The following FGFBP3 variants were observed in gnomAD, a reference collection of about 807,000 sequenced individuals.
FGFBP3 encodes the protein fibroblast growth factor binding protein 3.
A neutral mutation model predicts 4.8 loss-of-function variants in FGFBP3; 4 were observed. That is an observed-to-expected ratio of 0.83 (90% confidence interval 0.41 to 1.90). The LOEUF is 1.90. FGFBP3 is among the 40% of genes most tolerant of loss of function. FGFBP3 has a pLI of 0.03. For missense variants in FGFBP3, 429 were observed against 397.4 expected (o/e 1.08, Z -0.68); for synonymous variants, 215 against 190.0 (o/e 1.13, Z -1.08).
chr10:91,908,496 G>A lies in FGFBP3; in HGVS notation c.474C>T (p.Thr158=). 7.2e-7 allele frequency: 1 copy of A among 1,387,558 alleles called. No homozygotes were observed. The highest frequency in any genetic ancestry group is 9.3e-7 in the Non-Finnish European group (1 of 1,076,820). 86.0% of individuals were successfully genotyped at this position (1,387,558 alleles called of 1,614,324 possible). A position where few individuals can be genotyped will look rare whatever the true frequency, so the allele number is the denominator to read the frequency against. ...VPRASPPARP[T]VAGFAGESKP... The stretch of plus-strand genomic sequence containing the variant: ...TGGACTCCCCCGCGAATCCCGCGAC[G>A]GTGGGGCGTGCGGGCGGGGACGCGC... The change falls in exon 2 of 2, where the codon ACC becomes ACT. Residue 158 remains threonine, a synonymous_variant. Coordinates refer to ENST00000311575, the MANE Select transcript of FGFBP3 (RefSeq NM_152429.5).
At position 91,908,533 on chromosome 10, in the gene FGFBP3, C is replaced by A; in HGVS notation, c.437G>T (p.Arg146Leu). Residue 146 changes from arginine to leucine, a missense_variant, in exon 2 of 2, where the codon CGG (arginine) becomes CTG (leucine). Arg to Leu is a moderately radical substitution (Grantham distance 102, BLOSUM62 -2). Coordinates refer to ENST00000311575, the MANE Select transcript of FGFBP3 (RefSeq NM_152429.5). ...GGGCGGGGACGCGCGGGGCACTAGC[C>A]GCAGCTCGGCGCCGTGGCCCTTCTT... ...AGKKGHGAEL[R>L]LVPRASPPAR... 2.9e-6 allele frequency: 4 copies of A among 1,374,968 alleles called. No individual in the cohort carries two copies. Among genetic ancestry groups the A allele is most frequent in the Non-Finnish European group, 3.7e-6 (4 of 1,071,720 alleles). The allele number at this position is 1,374,968 out of a possible 1,614,324, so 85.2% of individuals were successfully genotyped here.
chr10:91,908,584 G>A lies in FGFBP3; in HGVS notation c.386C>T (p.Pro129Leu), dbSNP rs1843319371. 7.1e-7 allele frequency: 1 copy of A among 1,415,528 alleles called. No individual in the cohort carries two copies. Among genetic ancestry groups the A allele is most frequent in the South Asian group, 1.5e-5 (1 of 67,322 alleles). The allele number at this position is 1,415,528 out of a possible 1,614,324, so 87.7% of individuals were successfully genotyped here. ...GCCCGCGCACAAGCGGGCCTGGAGC[G>A]GCGCGGGGTCGTGACAGGGCCTCCG... Reference protein sequence around the residue: ...KKRRPCHDPAPLQARLCAGKK... With the variant: ...KKRRPCHDPALLQARLCAGKK... Residue 129 changes from proline to leucine, a missense_variant, in exon 2 of 2, where the codon CCG (proline) becomes CTG (leucine). By Grantham distance (98) the Pro-to-Leu change is moderately conservative. Transcript: ENST00000311575.
rs200280119 is a variant in FGFBP3, at chr10:91,908,935, G to A, written c.35C>T (p.Pro12Leu). The change falls in exon 2 of 2, where the codon CCG (proline) becomes CTG (leucine). Residue 12 changes from proline to leucine, a missense_variant. Pro to Leu is a moderately conservative substitution (Grantham distance 98, BLOSUM62 -3). Coordinates refer to ENST00000311575, the MANE Select transcript of FGFBP3 (RefSeq NM_152429.5). The stretch of plus-strand genomic sequence containing the variant: ...ACCACTCAGCAGCAGCAGCAGCGAC[G>A]GCGACAGCGACGCTCGCAGCTTCGG... Reference protein sequence around the residue: ...TPPKLRASLSPSLLLLLSGCL... With the variant: ...TPPKLRASLSLSLLLLLSGCL... The A allele has an allele frequency of 3.4e-5, 55 of 1,605,092 alleles. No individual in the cohort carries two copies. The African/African-American group carries it at 5.4e-4, about 16-fold the overall frequency.
Position 91,908,632 on chromosome 10 carries a change from AC to A in FGFBP3, c.337del (p.Val113CysfsTer35). 3 of 1,438,966 alleles carry A rather than the reference AC, an allele frequency of 2.1e-6. No homozygotes were observed. The allele number at this position is 1,438,966 out of a possible 1,614,324, so 89.1% of individuals were successfully genotyped here. A position where few individuals can be genotyped will look rare whatever the true frequency, so the allele number is the denominator to read the frequency against. The part of the protein sequence containing the change: ...AARRAHFWKQ[V>X]LGGLRKKRRP... ...CCGCTTCTTGCGCAGCCCTCCCAGC[AC>A]CTGCTTCCAGAAGTGCGCGCGGCGA... On this transcript the variant is annotated frameshift_variant, in exon 2 of 2. Transcript: ENST00000311575. LOFTEE classifies it low-confidence loss of function (END_TRUNC).
intron 1 of FGFBP3, 70 bp from the exon 2 acceptor site, chr10:91,909,117 C>A: frequency 2.4e-6 from 2 of 832,802 alleles, no homozygotes; most frequent in South Asian, 4.0e-5. Context: ...CATGCACCTG[C>A]GAACTACTCT....
chr10:91,909,321 A>G, intron 1 of FGFBP3, 77 bp downstream of exon 1: 1 of 297,514 alleles, frequency 3.4e-6, no homozygotes, highest in Non-Finnish European at 6.2e-6. Context: ...TCCCTTCTCC[A>G]ACCTGCAATA....
Position 91,908,588 on chromosome 10 carries a change from C to T in FGFBP3, c.382G>A (p.Ala128Thr). The change falls in exon 2 of 2, where the codon GCG (alanine) becomes ACG (threonine). Residue 128 changes from alanine (A) to threonine (T), a missense_variant. Ala to Thr is a moderately conservative substitution (Grantham distance 58, BLOSUM62 0). Coordinates refer to ENST00000311575, the MANE Select transcript of FGFBP3 (RefSeq NM_152429.5). ...GCGCACAAGCGGGCCTGGAGCGGCG[C>T]GGGGTCGTGACAGGGCCTCCGCTTC... ...RKKRRPCHDP[A>T]PLQARLCAGK... 1 of 1,419,870 alleles carries T rather than the reference C, an allele frequency of 7.0e-7. No homozygotes were observed. The allele number at this position is 1,419,870 out of a possible 1,614,324, so 88.0% of individuals were successfully genotyped here.
chr10:91,908,476 TC>T lies in FGFBP3; in HGVS notation c.493del (p.Glu165SerfsTer104), dbSNP rs1299929001. 7 of 1,409,288 alleles carry T rather than the reference TC, an allele frequency of 5.0e-6. No individual in the cohort carries two copies. The highest frequency in any genetic ancestry group is 5.5e-6 in the Non-Finnish European group (6 of 1,086,706). 87.3% of individuals were successfully genotyped at this position (1,409,288 alleles called of 1,614,324 possible). On this transcript the variant is annotated frameshift_variant, in exon 2 of 2. Transcript: ENST00000311575. LOFTEE classifies it low-confidence loss of function (END_TRUNC). ...CCGGTTCCGGGCCCGGGGCTTGGAC[TC>T]CCCCGCGAATCCCGCGACGGTGGGG... is the stretch of plus-strand genomic sequence containing the variant. Reference protein sequence around the residue: ...ARPTVAGFAGESKPRARNRGR... With the variant: ...ARPTVAGFAGXSKPRARNRGR...
In FGFBP3 at chr10:91,908,716, C is replaced by G. The variant is rs1843322445; in HGVS notation, c.254G>C (p.Gly85Ala). The G allele has an allele frequency of 1.5e-6, 2 of 1,378,930 alleles. No homozygotes were observed. The highest frequency in any genetic ancestry group is 1.9e-6 in the Non-Finnish European group (2 of 1,074,774). The allele number at this position is 1,378,930 out of a possible 1,614,324, so 85.4% of individuals were successfully genotyped here. Residue 85 changes from glycine (G) to alanine (A), a missense_variant, in exon 2 of 2, where the codon GGG becomes GCG. Transcript: ENST00000311575. ...ELALRCQSPD[G>A]ARHQCAYRGH... is the part of the protein sequence containing the mutation. ...GCGGTAGGCGCACTGGTGGCGCGCC[C>G]CGTCCGGGCTCTGGCAGCGCAGCGC...
rs1466447316 is a variant in FGFBP3 at position 91,909,421 on chromosome 10, G to A, written c.-102C>T. 6.0e-6 allele frequency: 1 copy of A among 165,688 alleles called. No individual in the cohort carries two copies. The highest frequency in any genetic ancestry group is 6.5e-5 in the Admixed American group (1 of 15,366). 10.3% of individuals were successfully genotyped at this position (165,688 alleles called of 1,614,324 possible). On this transcript the variant is annotated 5_prime_UTR_variant, in exon 1 of 2. Transcript: ENST00000311575. The stretch of plus-strand genomic sequence containing the variant: ...ACCGAGTTCTGGGAGAGGCGCCAAA[G>A]CCTTATTAGGGTAGAGGGAACGACT...
rs543541902 is a variant in FGFBP3 at position 91,908,343 on chromosome 10, C to T, written c.627G>A (p.Arg209=). 2.5e-6 allele frequency: 4 copies of T among 1,595,510 alleles called. No individual in the cohort carries two copies. In the Admixed American group the frequency reaches 7.0e-5, roughly 28 times the overall value. Residue 209 remains arginine (R), a synonymous_variant, in exon 2 of 2, where the codon AGG becomes AGA. Coordinates refer to ENST00000311575, the MANE Select transcript of FGFBP3 (RefSeq NM_152429.5). The stretch of plus-strand genomic sequence containing the variant: ...CCTCGTTGGGGACCAAGGCCGCCTT[C>T]CTCTTGCCCTCGTTGGTCTTCCTCT... ...PSERKTNEGK[R]KAALVPNEER...
Position 91,908,521 on chromosome 10 carries a change from C to A in FGFBP3, c.449G>T (p.Arg150Leu), listed in dbSNP as rs751273902. 2.9e-6 allele frequency: 4 copies of A among 1,376,544 alleles called. No homozygotes were observed. Among genetic ancestry groups the A allele is most frequent in the Non-Finnish European group, 3.7e-6 (4 of 1,072,722 alleles). 85.3% of individuals were successfully genotyped at this position (1,376,544 alleles called of 1,614,324 possible). Reference sequence around the variant, plus strand: ...GGTGGGGCGTGCGGGCGGGGACGCGCGGGGCACTAGCCGCAGCTCGGCGCC... The same window carrying A: ...GGTGGGGCGTGCGGGCGGGGACGCGAGGGGCACTAGCCGCAGCTCGGCGCC... ...GHGAELRLVP[R>L]ASPPARPTVA... The change falls in exon 2 of 2, where the codon CGC (arginine) becomes CTC (leucine). Residue 150 changes from arginine (R) to leucine (L), a missense_variant. Arg to Leu is a moderately radical substitution (Grantham distance 102). Transcript: ENST00000311575.
Position 91,908,059 on chromosome 10 carries a change from C to T in FGFBP3, c.*134G>A, listed in dbSNP as rs1843312629. Reference sequence around the variant, plus strand: ...TCTCATCCCAAGCATCTCACCCTTACCCTTGCCCCCACCCCCATTCGAGAA... The same window carrying T: ...TCTCATCCCAAGCATCTCACCCTTATCCTTGCCCCCACCCCCATTCGAGAA... On this transcript the variant is annotated 3_prime_UTR_variant, in exon 2 of 2. Coordinates refer to ENST00000311575, the MANE Select transcript of FGFBP3 (RefSeq NM_152429.5). 3 of 1,007,002 alleles carry T rather than the reference C, an allele frequency of 3.0e-6. No homozygotes were observed. The highest frequency in any genetic ancestry group is 1.7e-5 in the African/African-American group (1 of 58,940). 62.4% of individuals were successfully genotyped at this position (1,007,002 alleles called of 1,614,324 possible).
At position 91,908,794 on chromosome 10, in the gene FGFBP3, C is replaced by T; in HGVS notation, c.176G>A (p.Cys59Tyr). ...GRFLSPEQHA[C>Y]SWQLLLPAPE... ...GGCGGGCAGCAGGAGCTGCCAGCTG[C>T]ACGCGTGCTGCTCGGGGCTGAGGAA... Residue 59 changes from cysteine to tyrosine, a missense_variant, in exon 2 of 2, where the codon TGC (cysteine) becomes TAC (tyrosine). By Grantham distance (194) the Cys-to-Tyr change is radical. Transcript: ENST00000311575. 1.4e-6 allele frequency: 2 copies of T among 1,443,646 alleles called. No homozygotes were observed. Among genetic ancestry groups the T allele is most frequent in the Non-Finnish European group, 1.8e-6 (2 of 1,108,752 alleles). The allele number at this position is 1,443,646 out of a possible 1,614,324, so 89.4% of individuals were successfully genotyped here.
Position 91,907,227 on chromosome 10 carries a change from C to T in FGFBP3, c.*966G>A, listed in dbSNP as rs564921437. 2 of 152,330 alleles carry T rather than the reference C, an allele frequency of 1.3e-5. No homozygotes were observed. The highest frequency in any genetic ancestry group is 4.8e-5 in the African/African-American group (2 of 41,550). The allele number at this position is 152,330 out of a possible 1,614,324, so 9.4% of individuals were successfully genotyped here. A position where few individuals can be genotyped will look rare whatever the true frequency, so the allele number is the denominator to read the frequency against. On this transcript the variant is annotated 3_prime_UTR_variant, in exon 2 of 2. Coordinates refer to ENST00000311575, the MANE Select transcript of FGFBP3 (RefSeq NM_152429.5). ...ACTTCTAGTGGCACACCCCTGTAGT[C>T]CTGGCTACTCCGGAGGCTGAGGCAG... is the stretch of plus-strand genomic sequence containing the variant.
At position 91,908,199 on chromosome 10, in the gene FGFBP3, G is replaced by A; in HGVS notation, c.771C>T (p.Asn257=). 2.5e-6 allele frequency: 4 copies of A among 1,595,116 alleles called. No individual in the cohort carries two copies. Among genetic ancestry groups the A allele is most frequent in the African/African-American group, 2.7e-5 (2 of 73,550 alleles). The change falls in exon 2 of 2, where the codon AAC becomes AAT. Residue 257 remains asparagine (N), a synonymous_variant. Coordinates refer to ENST00000311575, the MANE Select transcript of FGFBP3 (RefSeq NM_152429.5). ...SLCNFFVNFW[N]G ...CCTAAGCCGGCAGGCAGTCTCAGCCGTTCCAGAAATTGACAAAGAAGTTGC... is the reference window on the plus strand; with the variant it reads ...CCTAAGCCGGCAGGCAGTCTCAGCCATTCCAGAAATTGACAAAGAAGTTGC...
Position 91,909,034 on chromosome 10 carries a change from G to C in FGFBP3, c.-65C>G, listed in dbSNP as rs1182766008. On this transcript the variant is annotated 5_prime_UTR_variant, in exon 2 of 2. Coordinates refer to ENST00000311575, the MANE Select transcript of FGFBP3 (RefSeq NM_152429.5). The stretch of plus-strand genomic sequence containing the variant: ...TTGTCGGGGCTGGACCAGGCAAAGA[G>C]CATTCCCCAGGACCTGCGGACAGAG... 3.3e-6 allele frequency: 5 copies of C among 1,497,690 alleles called. No homozygotes were observed. Among genetic ancestry groups the C allele is most frequent in the Middle Eastern group, 2.0e-4 (1 of 5,022 alleles). 92.8% of individuals were successfully genotyped at this position (1,497,690 alleles called of 1,614,324 possible). A position where few individuals can be genotyped will look rare whatever the true frequency, so the allele number is the denominator to read the frequency against.
In FGFBP3 at chr10:91,907,880, T is replaced by C; in HGVS notation, c.*313A>G. The C allele has an allele frequency of 3.2e-6, 1 of 315,642 alleles. No individual in the cohort carries two copies. Among genetic ancestry groups the C allele is most frequent in the Non-Finnish European group, 5.8e-6 (1 of 173,690 alleles). The allele number at this position is 315,642 out of a possible 1,614,324, so 19.6% of individuals were successfully genotyped here. A position where few individuals can be genotyped will look rare whatever the true frequency, so the allele number is the denominator to read the frequency against. ...ATCTCCCCCTTATTCTCAGCCTCCC[T>C]CTGCATCGATTTCTCTCCCCAGTCT... On this transcript the variant is annotated 3_prime_UTR_variant, in exon 2 of 2. Coordinates refer to ENST00000311575, the MANE Select transcript of FGFBP3 (RefSeq NM_152429.5).
Position 91,908,810 on chromosome 10 carries a change from G to A in FGFBP3, c.160C>T (p.Pro54Ser), listed in dbSNP as rs1446689693. 1 of 1,521,778 alleles carries A rather than the reference G, an allele frequency of 6.6e-7. No individual in the cohort carries two copies. Among genetic ancestry groups the A allele is most frequent in the Non-Finnish European group, 8.8e-7 (1 of 1,141,468 alleles). 94.3% of individuals were successfully genotyped at this position (1,521,778 alleles called of 1,614,324 possible). ...TGGSSGRFLS[P>S]EQHACSWQLL... ...TGCCAGCTGCACGCGTGCTGCTCGG[G>A]GCTGAGGAAGCGACCCGAGGAGCCG... is the stretch of plus-strand genomic sequence containing the variant. Residue 54 changes from proline (P) to serine (S), a missense_variant, in exon 2 of 2, where the codon CCC becomes TCC. Coordinates refer to ENST00000311575, the MANE Select transcript of FGFBP3 (RefSeq NM_152429.5).
Sources: allele counts gnomAD v4.1 joint callset, GRCh38; gene constraint gnomAD v4.1.1; transcripts MANE v1.5; gene names NCBI Gene and HGNC (gene_info 2026-07-23, HGNC 2026-07-21).